MAGI1: variants seen among roughly 807,000 people sequenced by gnomAD.
MAGI1 encodes membrane-associated guanylate kinase, WW and PDZ domain-containing protein 1.
Under a neutral mutation model 139.9 loss-of-function variants are expected in MAGI1, and 58 were observed. The observed-to-expected ratio is 0.41, with a 90% confidence interval of 0.34 to 0.52. The LOEUF is 0.52. Ranked by LOEUF, MAGI1 falls within the 20% of genes least tolerant of loss-of-function variation. The probability of loss-of-function intolerance (pLI) is 0.12; values close to 1 mark genes in which losing one functional copy is unlikely to be tolerated. For missense variants in MAGI1, 1,874 were observed against 1,901.6 expected (o/e 0.99, Z 0.27); for synonymous variants, 812 against 737.9 (o/e 1.10, Z -1.63).
intron 1 of MAGI1, among the ~76,000 whole-genome samples, chr3:65,742,064 G>A (rs1031995728): frequency 5.9e-5 from 9 of 152,086 alleles, no homozygotes; most frequent in African/African-American, 1.9e-4. Context: ...TTGTTCACTC[G>A]CATGGGGATA....
chr3:65,727,137 G>C (rs2033710442), intron 1 of MAGI1, among the ~76,000 whole-genome samples: 1 of 152,090 alleles, frequency 6.6e-6, no homozygotes, highest in South Asian at 2.1e-4. Flanking sequence ...CAAAGTAATA[G>C]AAATTTCTTC....
intron 1 of MAGI1, among the ~76,000 whole-genome samples, chr3:66,011,892 ATTAAG>A (rs948096651): frequency 5.3e-5 from 8 of 151,902 alleles, no homozygotes; most frequent in African/African-American, 1.4e-4. Flanking sequence ...AGGTAATAGT[ATTAAG>A]TTATTTGGAT....
chr3:65,455,477 A>G (rs556163052), intron 5 of MAGI1, among the ~76,000 whole-genome samples: 6 of 152,300 alleles, frequency 3.9e-5, no homozygotes, highest in African/African-American at 1.4e-4. Flanking sequence ...TTGGAATGTC[A>G]AGCCAGGTGG....
rs35232258 is a variant in MAGI1 at position 65,519,335 on chromosome 3, GAC to G, written c.431-25706_431-25705del. On this transcript the variant is annotated intron_variant, in intron 2 of 22. Coordinates refer to ENST00000402939, the MANE Select transcript of MAGI1 (RefSeq NM_001033057.2). ...TTTCATCACAGGAGTATCATGATCT[GAC>G]ACACACACACACACACACACACACA... 5.8e-3 allele frequency among the ~76,000 whole-genome samples: 808 copies of G among 139,208 alleles called. 9 individuals are homozygous for G. Among genetic ancestry groups the G allele is most frequent in the African/African-American group, 0.021 (769 of 36,418 alleles). 91.3% of individuals were successfully genotyped at this position (139,208 alleles called of 152,430 possible).
chr3:65,407,268 G>A (rs999318392), intron 12 of MAGI1, among the ~76,000 whole-genome samples: 3 of 151,936 alleles, frequency 2.0e-5, no homozygotes, highest in South Asian at 2.1e-4. Context: ...CCAACATGGC[G>A]AAACCCTATC....
At chr3:65,782,171 C>G (rs1408330273) in intron 1 of MAGI1, among the ~76,000 whole-genome samples, 1 of 152,104 alleles carries the variant, frequency 6.6e-6, no homozygotes, top group Non-Finnish European at 1.5e-5. Context: ...GAACCTGTGA[C>G]TATGTTACAT....
chr3:65,742,040 G>A (rs1377564319), intron 1 of MAGI1, among the ~76,000 whole-genome samples: 1 of 152,068 alleles, frequency 6.6e-6, no homozygotes, highest in African/African-American at 2.4e-5. Flanking sequence ...AATACTACGT[G>A]GCTTTCATTG....
intron 1 of MAGI1, among the ~76,000 whole-genome samples, chr3:65,648,342 G>T (rs1201937525): frequency 6.6e-6 from 1 of 151,754 alleles, no homozygotes; most frequent in East Asian, 1.9e-4. Flanking sequence ...CACAGACAGG[G>T]TCTCATTATG....
chr3:66,032,290 C>T (rs550551969), intron 1 of MAGI1, among the ~76,000 whole-genome samples: 30 of 151,994 alleles, frequency 2.0e-4, no homozygotes, highest in African/African-American at 5.5e-4. Flanking sequence ...CAGCTCACTG[C>T]AACCTCAGCC....
At chr3:65,725,750 T>C (rs969880758) in intron 1 of MAGI1, among the ~76,000 whole-genome samples, 1 of 152,192 alleles carries the variant, frequency 6.6e-6, no homozygotes, top group Non-Finnish European at 1.5e-5. Flanking sequence ...CATTCCAGCC[T>C]ACTTAAAATG....
intron 3 of MAGI1, among the ~76,000 whole-genome samples, chr3:65,488,032 G>A (rs943589879): frequency 1.3e-5 from 2 of 152,232 alleles, no homozygotes; most frequent in Non-Finnish European, 1.5e-5. Context: ...TCCCAGCATG[G>A]AAGGAAGTTC....
intron 2 of MAGI1, among the ~76,000 whole-genome samples, chr3:65,501,017 G>C (rs945171520): frequency 1.3e-5 from 2 of 152,182 alleles, no homozygotes; most frequent in African/African-American, 4.8e-5. Context: ...ACAGTAGAAT[G>C]TATTAGTCCT....
At chr3:65,890,460 T>C (rs1467916209) in intron 1 of MAGI1, among the ~76,000 whole-genome samples, 1 of 152,198 alleles carries the variant, frequency 6.6e-6, no homozygotes, top group Non-Finnish European at 1.5e-5. Flanking sequence ...AACATGTTCT[T>C]GTGCATCCAA....
intron 1 of MAGI1, among the ~76,000 whole-genome samples, chr3:65,983,594 A>T (rs980825143): frequency 2.6e-5 from 4 of 152,186 alleles, no homozygotes; most frequent in African/African-American, 7.2e-5. Context: ...AAAATTTTTT[A>T]AAAATGAAAT....
intron 1 of MAGI1, among the ~76,000 whole-genome samples, chr3:65,647,479 A>G (rs1241801009): frequency 6.6e-6 from 1 of 152,146 alleles, no homozygotes; most frequent in East Asian, 1.9e-4. Context: ...ACATGTAAGC[A>G]TTCTAAAAAA....
intron 2 of MAGI1, among the ~76,000 whole-genome samples, chr3:65,524,548 T>G (rs1166131683): frequency 6.6e-6 from 1 of 152,184 alleles, no homozygotes; most frequent in Non-Finnish European, 1.5e-5. Flanking sequence ...CATCATTCAA[T>G]TCCACAGTGG....
intron 1 of MAGI1, among the ~76,000 whole-genome samples, chr3:65,849,618 G>A (rs2059138546): frequency 6.6e-6 from 1 of 151,888 alleles, no homozygotes; most frequent in Non-Finnish European, 1.5e-5. Context: ...AATACTGACT[G>A]ATAAACTACT....
chr3:65,573,138 T>C (rs1267191023), intron 2 of MAGI1, among the ~76,000 whole-genome samples: 2 of 152,268 alleles, frequency 1.3e-5, no homozygotes, highest in East Asian at 1.9e-4. Context: ...TATAAACATA[T>C]AGATACATAT....
intron 1 of MAGI1, among the ~76,000 whole-genome samples, chr3:65,735,185 T>C (rs1192683672): frequency 4.6e-5 from 7 of 152,164 alleles, no homozygotes; most frequent in Admixed American, 2.0e-4. Flanking sequence ...ATTTAATTTT[T>C]TTCTTGAAAA....
Sources: allele counts gnomAD v4.1 joint callset (sites outside exome capture counted in the v4.1 genomes callset), GRCh38; gene constraint gnomAD v4.1.1; transcripts MANE v1.5; gene names NCBI Gene and HGNC (gene_info 2026-07-23, HGNC 2026-07-21).